PREX2: variants seen among roughly 807,000 people sequenced by gnomAD.
The protein encoded by PREX2 is phosphatidylinositol-3,4,5-trisphosphate dependent Rac exchange factor 2.
In PREX2, 107 loss-of-function variants were observed where a neutral mutation model predicts 203.2. The observed-to-expected ratio is 0.53, with a 90% CI of 0.45 to 0.62. The LOEUF (loss-of-function observed/expected upper bound fraction) is 0.62. Among genes scored for constraint, PREX2 ranks in the 20% least tolerant of loss-of-function variants. The probability of loss-of-function intolerance (pLI) is 0.00; values close to 1 mark genes in which losing one functional copy is unlikely to be tolerated. For synonymous variants in PREX2, 672 were observed against 663.6 expected, an observed-to-expected ratio of 1.01 and a Z score of -0.19; for missense variants, 1,777 against 1,955.9, an observed-to-expected ratio of 0.91 and a Z score of 1.72.
intron 18 of PREX2, among the ~76,000 whole-genome samples, chr8:68,084,515 G>T (rs540280815): frequency 1.3e-5 from 2 of 152,260 alleles, no homozygotes; most frequent in African/African-American, 4.8e-5. Context: ...AAAGTGCAGT[G>T]CAGTGGGCTG....
intron 30 of PREX2, among the ~76,000 whole-genome samples, chr8:68,125,779 A>G (rs766681638): frequency 6.6e-6 from 1 of 152,008 alleles, no homozygotes; most frequent in Non-Finnish European, 1.5e-5. Context: ...TTAGCAACCT[A>G]TATTTTAGAA....
chr8:68,199,370 T>A (rs985036322), intron 37 of PREX2, among the ~76,000 whole-genome samples: 1 of 152,208 alleles, frequency 6.6e-6, no homozygotes, highest in African/African-American at 2.4e-5. Context: ...AATGCACTTA[T>A]TAGTTGATGA....
chr8:68,100,038 A>G (rs1810213560), intron 23 of PREX2, 195 bp downstream of exon 23: 1 of 711,378 alleles, frequency 1.4e-6, no homozygotes, highest in African/African-American at 1.7e-5. Context: ...CAAACTTGTA[A>G]GTTATGTTAC....
At chr8:68,192,261 A>T in intron 36 of PREX2, 74 bp from the exon 37 acceptor site, 1 of 1,152,112 alleles carries the variant, frequency 8.7e-7, no homozygotes, top group Non-Finnish European at 1.2e-6. Context: ...CTATTCTTTA[A>T]CAGCTATACC....
chr8:68,210,043 C>T (rs1182915453), intron 37 of PREX2, among the ~76,000 whole-genome samples: 5 of 152,198 alleles, frequency 3.3e-5, no homozygotes, highest in African/African-American at 1.2e-4. Flanking sequence ...GCTCAAGTAA[C>T]TTTCAAAGTC....
At chr8:67,978,548 C>T (rs746942907) in intron 1 of PREX2, among the ~76,000 whole-genome samples, 6 of 152,152 alleles carry the variant, frequency 3.9e-5, no homozygotes, top group Non-Finnish European at 7.3e-5. Context: ...GTGGTTAAAA[C>T]ATTAGCATTG....
intron 6 of PREX2, among the ~76,000 whole-genome samples, chr8:68,034,759 A>G (rs909197020): frequency 6.6e-6 from 1 of 152,106 alleles, no homozygotes; most frequent in African/African-American, 2.4e-5. Flanking sequence ...TTTGTGCCTG[A>G]CAGTGTATTG....
chr8:68,015,667 T>C (rs574922317), intron 1 of PREX2, among the ~76,000 whole-genome samples: 1 of 152,304 alleles, frequency 6.6e-6, no homozygotes, highest in East Asian at 1.9e-4. Flanking sequence ...ATGTAAACTA[T>C]GTAAACTAGG....
Position 68,032,057 on chromosome 8 carries a change from G to A in PREX2, c.705+1399G>A, listed in dbSNP as rs147213702. Among the ~76,000 whole-genome samples the A allele has an allele frequency of 5.9e-5, 9 of 152,214 alleles. No individual in the cohort carries two copies. The East Asian group carries it at 1.5e-3, about 26-fold the overall frequency. ...AGATTCCTTAAAAGTTATTGATATT[G>A]TTTATACAGTATACACCAGTTACTC... On this transcript the variant is annotated intron_variant, in intron 6 of 39. Transcript: ENST00000288368.
intron 39 of PREX2, among the ~76,000 whole-genome samples, chr8:68,225,009 C>A (rs1813031346): frequency 6.6e-6 from 1 of 152,084 alleles, no homozygotes; most frequent in South Asian, 2.1e-4. Context: ...TATTTCACTG[C>A]AAAACCTAGC....
At chr8:68,140,500 T>G (rs1376903239) in intron 33 of PREX2, among the ~76,000 whole-genome samples, 1 of 152,226 alleles carries the variant, frequency 6.6e-6, no homozygotes, top group Non-Finnish European at 1.5e-5. Flanking sequence ...GCATGTAGTT[T>G]GATCTTTCTG....
At chr8:68,193,236 A>C (rs1465422662) in intron 37 of PREX2, among the ~76,000 whole-genome samples, 1 of 152,176 alleles carries the variant, frequency 6.6e-6, no homozygotes, top group Non-Finnish European at 1.5e-5. Flanking sequence ...AGTAAATGGA[A>C]ATAATAGAAG....
rs1238345485 is a variant in PREX2 at position 68,234,773 on chromosome 8, T to C, written c.*3395T>C. The C allele has an allele frequency of 6.6e-6, 1 of 152,298 alleles. No homozygotes were observed. 9.4% of individuals were successfully genotyped at this position (152,298 alleles called of 1,614,324 possible). ...GGTTCATTGTGCATTCATTGGCCAC[T>C]CTTCTTGCAGCAAATTTTAAATCAA... On this transcript the variant is annotated 3_prime_UTR_variant, in exon 40 of 40. Transcript: ENST00000288368.
intron 22 of PREX2, 103 bp from the exon 23 acceptor site, chr8:68,099,579 G>A (rs1191100660): frequency 9.0e-7 from 1 of 1,112,474 alleles, no homozygotes; most frequent in Non-Finnish European, 1.3e-6. Flanking sequence ...AATTTGATAT[G>A]GCTACTTTTG....
chr8:68,187,011 C>A (rs907273303), intron 35 of PREX2, among the ~76,000 whole-genome samples: 12 of 151,622 alleles, frequency 7.9e-5, no homozygotes, highest in African/African-American at 2.9e-4. Context: ...CAGCTCTTAA[C>A]TGGCTGAATC....
chr8:68,123,623 T>A (rs1810823215), intron 30 of PREX2, among the ~76,000 whole-genome samples: 1 of 151,880 alleles, frequency 6.6e-6, no homozygotes, highest in South Asian at 2.1e-4. Flanking sequence ...ATACCATAAC[T>A]ATGGACACCT....
chr8:68,018,278 A>G (rs185576095), intron 2 of PREX2, among the ~76,000 whole-genome samples: 78 of 151,690 alleles, frequency 5.1e-4, no homozygotes, highest in African/African-American at 1.8e-3. Flanking sequence ...GACCAGCCTG[A>G]CCAACATGGA....
At chr8:68,047,482 T>TATATATATATATATAC (rs1808393390) in intron 8 of PREX2, among the ~76,000 whole-genome samples, 1 of 95,010 alleles carries the variant, frequency 1.1e-5, no homozygotes. Context: ...TATATATATA[T>TATATATATATATATAC]ATATATATAT....
chr8:68,119,589 G>A, intron 28 of PREX2, 75 bp downstream of exon 28: 1 of 1,057,942 alleles, frequency 9.5e-7, no homozygotes, highest in South Asian at 1.3e-5. Context: ...TGCAGTAAAA[G>A]GAGCTCAGAG....
Sources: gnomAD v4.1 joint callset for allele counts (sites outside exome capture counted in the v4.1 genomes callset) on GRCh38, gnomAD v4.1.1 for gene constraint, MANE v1.5 for transcripts, NCBI Gene and HGNC (gene_info 2026-07-23, HGNC 2026-07-21) for gene names.